The following DNM3 variants were observed in gnomAD, a reference collection of about 807,000 sequenced individuals.
DNM3 encodes the protein dynamin 3, also known as dynamin-3.
A neutral mutation model predicts 101.6 loss-of-function variants in DNM3; 47 were observed. That is an observed-to-expected ratio of 0.46 (90% CI 0.37 to 0.59). The LOEUF is 0.59. DNM3 is among the 20% of genes least tolerant of loss of function. DNM3 has a pLI of 0.00. For missense variants in DNM3, 849 were observed against 1,085.7 expected (o/e 0.78, Z 3.06); for synonymous variants, 385 against 387.9 (o/e 0.99, Z 0.09).
chr1:172,024,157 T>A (rs1337968772), intron 4 of DNM3, among the ~76,000 whole-genome samples: 1 of 151,746 alleles, frequency 6.6e-6, no homozygotes, highest in Non-Finnish European at 1.5e-5. Flanking sequence ...TCTTTTTGGC[T>A]TTTCCTTCTT....
At chr1:172,400,040 A>C (rs917711129) in intron 20 of DNM3, 1 of 152,234 alleles carries the variant, frequency 6.6e-6, no homozygotes, top group African/African-American at 2.4e-5. Flanking sequence ...AGAAAGGGAC[A>C]AAAAGTCTTT....
intron 17 of DNM3, among the ~76,000 whole-genome samples, chr1:172,353,567 T>C (rs2067289697): frequency 6.6e-6 from 1 of 152,176 alleles, no homozygotes; most frequent in Admixed American, 6.5e-5. Context: ...AACAGAACTT[T>C]CTTCCTCACA....
At position 172,407,798 on chromosome 1, in the gene DNM3, G is replaced by A. The variant is rs371512174; in HGVS notation, c.2549G>A (p.Arg850His). Residue 850 changes from arginine (R) to histidine (H), a missense_variant, in exon 21 of 21, where the codon CGT becomes CAT. This residue lies in a region of DNM3 where 256 missense variants were observed against 311.7 expected (regional missense o/e 0.82). Transcript: ENST00000627582. ...CGGAGACCACCCCCATCACCAACTC[G>A]TCCCACTATAATCCGCCCACTAGAA... The part of the protein sequence containing the change: ...PSRRPPPSPT[R>H]PTIIRPLESS... 167 of 1,612,966 alleles carry A rather than the reference G, an allele frequency of 1.0e-4. No homozygotes were observed. Among genetic ancestry groups the A allele is most frequent in the Non-Finnish European group, 1.3e-4 (155 of 1,179,334 alleles).
chr1:172,092,853 A>G lies in DNM3; in HGVS notation c.1523A>G (p.Lys508Arg). ...NAQQRSSQVHKKTTVGNQVIR... is the reference protein window; with the variant it reads ...NAQQRSSQVHRKTTVGNQVIR... ...CAGCAGAGGAGCAGTCAGGTTCACAAGAAAACCACAGTTGGAAATCAGGTA... is the reference window on the plus strand; with the variant it reads ...CAGCAGAGGAGCAGTCAGGTTCACAGGAAAACCACAGTTGGAAATCAGGTA... The change falls in exon 13 of 21, where the codon AAG (lysine) becomes AGG (arginine). Residue 508 changes from lysine (K) to arginine (R), a missense_variant. Physicochemically the swap from Lys to Arg is conservative, Grantham distance 26 (BLOSUM62 2). Coordinates refer to ENST00000627582, the MANE Select transcript of DNM3 (RefSeq NM_015569.5). The G allele has an allele frequency of 6.4e-7, 1 of 1,560,022 alleles. No individual in the cohort carries two copies.
chr1:172,346,078 G>A (rs536985410), intron 17 of DNM3, among the ~76,000 whole-genome samples: 3 of 145,538 alleles, frequency 2.1e-5, no homozygotes, highest in South Asian at 4.3e-4. Flanking sequence ...AGCCGAGATC[G>A]TGCCACTGCA....
intron 1 of DNM3, among the ~76,000 whole-genome samples, chr1:171,863,428 A>G (rs2034390996): frequency 6.6e-6 from 1 of 152,156 alleles, no homozygotes; most frequent in South Asian, 2.1e-4. Context: ...GAAAGACAGG[A>G]AAAAAGTATA....
intron 2 of DNM3, among the ~76,000 whole-genome samples, chr1:171,928,956 C>T (rs1418015181): frequency 6.6e-6 from 1 of 152,218 alleles, no homozygotes; most frequent in Non-Finnish European, 1.5e-5. Flanking sequence ...CGGCCTGCCC[C>T]TCCCTCTGGG....
chr1:171,924,235 A>G (rs1417489507), intron 2 of DNM3, among the ~76,000 whole-genome samples: 2 of 152,182 alleles, frequency 1.3e-5, no homozygotes, highest in Admixed American at 6.5e-5. Context: ...TTCTATTTTT[A>G]GTCCTTTGAG....
At chr1:172,373,651 G>A (rs2068462332) in intron 17 of DNM3, among the ~76,000 whole-genome samples, 1 of 152,002 alleles carries the variant, frequency 6.6e-6, no homozygotes, top group African/African-American at 2.4e-5. Flanking sequence ...AAATCTGATA[G>A]CCAAGGTAAA....
At chr1:172,053,506 G>T (rs1242975648) in intron 10 of DNM3, among the ~76,000 whole-genome samples, 1 of 151,494 alleles carries the variant, frequency 6.6e-6, no homozygotes, top group Non-Finnish European at 1.5e-5. Context: ...GTATGTATTT[G>T]TTTACATATC....
intron 2 of DNM3, among the ~76,000 whole-genome samples, chr1:171,958,357 T>G (rs1401639807): frequency 6.6e-6 from 1 of 152,200 alleles, no homozygotes; most frequent in Non-Finnish European, 1.5e-5. Context: ...GATGTGTGTG[T>G]ATGTGTTTGT....
At position 172,131,253 on chromosome 1, in the gene DNM3, A is replaced by G. The variant is rs2056922109; in HGVS notation, c.1624A>G (p.Thr542Ala). The G allele has an allele frequency of 6.2e-7, 1 of 1,613,190 alleles. No homozygotes were observed. ...GGSKGYWFVL[T>A]AESLSWYKDD... ...CTCGAAGGGATACTGGTTCGTCCTTACTGCGGAAAGCTTGTCCTGGTATAA... is the reference window on the plus strand; with the variant it reads ...CTCGAAGGGATACTGGTTCGTCCTTGCTGCGGAAAGCTTGTCCTGGTATAA... The change falls in exon 14 of 21, where the codon ACT becomes GCT. Residue 542 changes from threonine (T) to alanine (A), a missense_variant. By Grantham distance (58) the Thr-to-Ala change is moderately conservative. Around this residue, in one of 5 missense-constraint regions of DNM3, gnomAD observed 193 missense variants for 238.4 expected, o/e 0.81. Coordinates refer to ENST00000627582, the MANE Select transcript of DNM3 (RefSeq NM_015569.5).
chr1:172,102,186 T>C (rs1157357961), intron 13 of DNM3, among the ~76,000 whole-genome samples: 1 of 152,128 alleles, frequency 6.6e-6, no homozygotes, highest in Non-Finnish European at 1.5e-5. Flanking sequence ...AATAAAGCCA[T>C]TAGATCTGAA....
chr1:172,267,456 A>G (rs898966462), intron 15 of DNM3, among the ~76,000 whole-genome samples: 2 of 152,236 alleles, frequency 1.3e-5, no homozygotes, highest in Non-Finnish European at 2.9e-5. Context: ...TGAGGACAAA[A>G]GGAAATATTT....
At chr1:172,178,971 A>G (rs995158157) in intron 14 of DNM3, among the ~76,000 whole-genome samples, 7 of 151,986 alleles carry the variant, frequency 4.6e-5, no homozygotes, top group African/African-American at 7.2e-5. Context: ...AGTCTAAAAT[A>G]TAAGGAATGC....
chr1:171,953,057 AC>A (rs1376593246), intron 2 of DNM3, among the ~76,000 whole-genome samples: 3 of 152,214 alleles, frequency 2.0e-5, no homozygotes, highest in Non-Finnish European at 4.4e-5. Context: ...GGAAGGAAGG[AC>A]TTCAAAACTT....
At chr1:172,313,402 A>T (rs73046815) in intron 16 of DNM3, among the ~76,000 whole-genome samples, 4,007 of 152,338 alleles carry the variant, frequency 0.026, 150 homozygotes, top group African/African-American at 0.084. Context: ...ATAAATGTGA[A>T]TTTGATTTAA....
intron 15 of DNM3, among the ~76,000 whole-genome samples, chr1:172,269,735 C>T (rs887940448): frequency 5.3e-5 from 8 of 152,248 alleles, no homozygotes; most frequent in African/African-American, 1.9e-4. Context: ...GAGTTGTGTG[C>T]TGCAGCTTCC....
intron 10 of DNM3, among the ~76,000 whole-genome samples, chr1:172,068,615 T>G (rs899624467): frequency 6.6e-6 from 1 of 152,192 alleles, no homozygotes; most frequent in African/African-American, 2.4e-5. Context: ...AAGTGTTTCC[T>G]CAACATAACA....
Sources: allele counts gnomAD v4.1 joint callset (sites outside exome capture counted in the v4.1 genomes callset), GRCh38; gene constraint gnomAD v4.1.1; regional missense constraint gnomAD v4.1.1; transcripts MANE v1.5; gene names NCBI Gene and HGNC (gene_info 2026-07-23, HGNC 2026-07-21).